CPN2: variants seen among roughly 807,000 people sequenced by gnomAD.
The protein encoded by CPN2 is carboxypeptidase N 83 kDa chain.
For missense variants in CPN2, 620 were observed against 671.4 expected (o/e 0.92, Z 0.85); for synonymous variants, 336 against 318.4 (o/e 1.06, Z -0.59).
intron 1 of CPN2, among the ~76,000 whole-genome samples, chr3:194,345,390 G>A (rs6762789): frequency 0.3 from 45,121 of 152,150 alleles, 7,108 homozygotes; most frequent in African/African-American, 0.38. Context: ...GCAGTGGCAC[G>A]ATCATAGCTC....
At chr3:194,343,012 G>A (rs1217124498) in intron 1 of CPN2, among the ~76,000 whole-genome samples, 1 of 152,198 alleles carries the variant, frequency 6.6e-6, no homozygotes, top group African/African-American at 2.4e-5. Flanking sequence ...CTCCTAGACC[G>A]TAACTCTTCC....
chr3:194,346,543 C>T (rs962429608), intron 1 of CPN2, among the ~76,000 whole-genome samples: 2 of 152,212 alleles, frequency 1.3e-5, no homozygotes, highest in Non-Finnish European at 2.9e-5. Context: ...TCGGGAGTGG[C>T]TACGAGTCAG....
Position 194,342,286 on chromosome 3 carries a change from A to G in CPN2, c.417T>C (p.Gly139=), listed in dbSNP as rs769158963. The G allele has an allele frequency of 3.7e-6, 6 of 1,613,528 alleles. No homozygotes were observed. Among genetic ancestry groups the G allele is most frequent in the Non-Finnish European group, 1.7e-6 (2 of 1,179,886 alleles). The change falls in exon 2 of 2, where the codon GGT becomes GGC. Residue 139 remains glycine, a synonymous_variant. Coordinates refer to ENST00000323830, the MANE Select transcript of CPN2 (RefSeq NM_001080513.4). ...NFNMLEALPE[G]LFQHLAALES... ...CCAGGGCAGCCAGGTGCTGGAAAAGACCCTCGGGCAGAGCCTCCAGCATGT... is the reference window on the plus strand; with the variant it reads ...CCAGGGCAGCCAGGTGCTGGAAAAGGCCCTCGGGCAGAGCCTCCAGCATGT...
Position 194,341,518 on chromosome 3 carries a change from G to A in CPN2, c.1185C>T (p.Asn395=). 1 of 1,614,232 alleles carries A rather than the reference G, an allele frequency of 6.2e-7. No individual in the cohort carries two copies. The highest frequency in any genetic ancestry group is 8.5e-7 in the Non-Finnish European group (1 of 1,180,046). ...YNLFNLALHG[N]PWQCDCHLAY... ...CCAGGTGGCAGTCGCACTGCCAGGG[G>A]TTACCGTGCAGGGCCAGGTTGAACA... The change falls in exon 2 of 2, where the codon AAC becomes AAT. Residue 395 remains asparagine (N), a synonymous_variant. Transcript: ENST00000323830.
intron 1 of CPN2, among the ~76,000 whole-genome samples, chr3:194,350,097 C>G (rs1052610547): frequency 1.3e-5 from 2 of 152,072 alleles, no homozygotes; most frequent in Non-Finnish European, 1.5e-5. Flanking sequence ...CCACCGCGCT[C>G]GGCCCTTTCT....
chr3:194,341,209 C>T lies in CPN2; in HGVS notation c.1494G>A (p.Gln498=). The change falls in exon 2 of 2, where the codon CAG becomes CAA. Residue 498 remains glutamine (Q), a synonymous_variant. Coordinates refer to ENST00000323830, the MANE Select transcript of CPN2 (RefSeq NM_001080513.4). ...GTVVLACDQA[Q]CRWLNVQLSP... Reference sequence around the variant, plus strand: ...AGAGCTGGACGTTCAGCCAGCGACACTGGGCCTGGTCACAGGCGAGCACCA... The same window carrying T: ...AGAGCTGGACGTTCAGCCAGCGACATTGGGCCTGGTCACAGGCGAGCACCA... The T allele has an allele frequency of 6.2e-7, 1 of 1,613,608 alleles. No homozygotes were observed. The highest frequency in any genetic ancestry group is 1.7e-5 in the Admixed American group (1 of 60,024).
intron 1 of CPN2, among the ~76,000 whole-genome samples, chr3:194,343,570 C>A (rs892987096): frequency 8.5e-5 from 13 of 152,332 alleles, no homozygotes; most frequent in Middle Eastern, 3.4e-3. Flanking sequence ...GGGTGTGTGC[C>A]CTCCAGGCCG....
intron 1 of CPN2, among the ~76,000 whole-genome samples, chr3:194,343,672 G>A (rs1712947250): frequency 6.6e-6 from 1 of 152,200 alleles, no homozygotes; most frequent in Non-Finnish European, 1.5e-5. Flanking sequence ...TTCTAGCTAC[G>A]TGACCTTGGG....
chr3:194,344,576 T>C (rs1385689499), intron 1 of CPN2, among the ~76,000 whole-genome samples: 1 of 152,090 alleles, frequency 6.6e-6, no homozygotes, highest in African/African-American at 2.4e-5. Context: ...ACATCTGTAA[T>C]CCCAGCTACT....
intron 1 of CPN2, among the ~76,000 whole-genome samples, chr3:194,349,699 GACCCTCCCAATTTATACCC>G (rs1483560077): frequency 6.8e-6 from 1 of 147,794 alleles, no homozygotes; most frequent in Non-Finnish European, 1.5e-5. Flanking sequence ...GGCACTATGC[GACCCTCCCAATTTATACCC>G]ACCCTCCCAG....
At chr3:194,343,614 C>G (rs7641117) in intron 1 of CPN2, among the ~76,000 whole-genome samples, 111,043 of 152,178 alleles carry the variant, frequency 0.73, 41,404 homozygotes, top group African/African-American at 0.89. Context: ...TATTCACATG[C>G]CTTGCAGTGG....
chr3:194,349,129 G>C (rs1713161451), intron 1 of CPN2, among the ~76,000 whole-genome samples: 1 of 152,206 alleles, frequency 6.6e-6, no homozygotes, highest in Admixed American at 6.5e-5. Context: ...GGGAGGCTGA[G>C]GCGGGAGCAT....
Position 194,342,057 on chromosome 3 carries a change from GT to G in CPN2, c.645del (p.Lys215AsnfsTer29), listed in dbSNP as rs1712857980. 6.2e-7 allele frequency: 1 copy of G among 1,614,090 alleles called. No homozygotes were observed. Among genetic ancestry groups the G allele is most frequent in the Non-Finnish European group, 8.5e-7 (1 of 1,180,036 alleles). On this transcript the variant is annotated frameshift_variant, in exon 2 of 2. Coordinates refer to ENST00000323830, the MANE Select transcript of CPN2 (RefSeq NM_001080513.4). LOFTEE classifies it low-confidence loss of function (END_TRUNC). ...AGGAAGAGCTCCTGCAGGCTGCCCAGTTTGCCAAACACACCCTGGGGGAGAC... is the reference window on the plus strand; with the variant it reads ...AGGAAGAGCTCCTGCAGGCTGCCCAGTTGCCAAACACACCCTGGGGGAGAC... Reference protein sequence around the residue: ...LSGLPQGVFGKLGSLQELFLD... With the variant: ...LSGLPQGVFGXLGSLQELFLD...
Position 194,340,420 on chromosome 3 carries a change from T to C in CPN2, c.*645A>G, listed in dbSNP as rs1364020273. The stretch of plus-strand genomic sequence containing the variant: ...ACAGGGTCAAATAAAACCCATCTGA[T>C]GAGAATTTATGATTTGTAAGGCGCG... On this transcript the variant is annotated 3_prime_UTR_variant, in exon 2 of 2. Transcript: ENST00000323830. 1 of 152,308 alleles carries C rather than the reference T, an allele frequency of 6.6e-6. No individual in the cohort carries two copies. The highest frequency in any genetic ancestry group is 1.9e-4 in the East Asian group (1 of 5,186). The allele number at this position is 152,308 out of a possible 1,614,324, so 9.4% of individuals were successfully genotyped here. A position where few individuals can be genotyped will look rare whatever the true frequency, so the allele number is the denominator to read the frequency against.
rs757478492 is a variant in CPN2 at position 194,349,778 on chromosome 3, CTTTTTTTTTTTTTTTTTTTTTTTTTTTTT to C, written c.-4+1435_-4+1463del. 3.1e-5 allele frequency among the ~76,000 whole-genome samples: 2 copies of C among 65,538 alleles called. 1 individual carries two copies. The highest frequency in any genetic ancestry group is 1.4e-3 in the East Asian group (2 of 1,478). The allele number at this position is 65,538 out of a possible 152,430, so 43.0% of individuals were successfully genotyped here. On this transcript the variant is annotated intron_variant, in intron 1 of 1. Coordinates refer to ENST00000323830, the MANE Select transcript of CPN2 (RefSeq NM_001080513.4). ...ATGAAGCCTTCCTGACTACCCTCTTCTTTTTTTTTTTTTTTTTTTTTTTTTTTTTTTTTTTTTTTTGAGACAGAGTTTCA... is the reference window on the plus strand; with the variant it reads ...ATGAAGCCTTCCTGACTACCCTCTTCTTTTTTTTTTTGAGACAGAGTTTCA...
chr3:194,341,146 A>C lies in CPN2; in HGVS notation c.1557T>G (p.Ala519=). Residue 519 remains alanine (A), a synonymous_variant, in exon 2 of 2, where the codon GCT becomes GCG. Coordinates refer to ENST00000323830, the MANE Select transcript of CPN2 (RefSeq NM_001080513.4). ...TCGACCTCAGGTCCCACTCCTGACT[A>C]GCATTGTACTGCAGTCCCAGGGAGC... ...QQGSLGLQYN[A]SQEWDLRSSC... is the part of the protein sequence containing the mutation. 2 of 1,613,456 alleles carry C rather than the reference A, an allele frequency of 1.2e-6. No individual in the cohort carries two copies. The highest frequency in any genetic ancestry group is 1.7e-6 in the Non-Finnish European group (2 of 1,179,948).
Position 194,342,571 on chromosome 3 carries a change from T to TCCAGC in CPN2, c.131_132insGCTGG (p.Ile47TrpfsTer31). 1.9e-6 allele frequency: 3 copies of TCCAGC among 1,613,980 alleles called. No homozygotes were observed. Among genetic ancestry groups the TCCAGC allele is most frequent in the Non-Finnish European group, 1.7e-6 (2 of 1,180,004 alleles). ...TTTTCGTATATGGCGGGATGTCCAG[T>TCCAGC]GGGACGGTGGCAAGCTCCTCATCTG... is the stretch of plus-strand genomic sequence containing the variant. On this transcript the variant is annotated frameshift_variant, in exon 2 of 2. Transcript: ENST00000323830. LOFTEE classifies it low-confidence loss of function (END_TRUNC).
In CPN2 at chr3:194,348,441, G is replaced by A. The variant is rs147251150; in HGVS notation, c.-4+2801C>T. ...TAACAATAATCATCATAATACCTCAGTCCCGGCATGGTTAGGGCTATTGTG... is the reference window on the plus strand; with the variant it reads ...TAACAATAATCATCATAATACCTCAATCCCGGCATGGTTAGGGCTATTGTG... On this transcript the variant is annotated intron_variant, in intron 1 of 1. Coordinates refer to ENST00000323830, the MANE Select transcript of CPN2 (RefSeq NM_001080513.4). Among the ~76,000 whole-genome samples, 487 of 151,198 alleles carry A rather than the reference G, an allele frequency of 3.2e-3. 4 individuals are homozygous for A. The highest frequency in any genetic ancestry group is 0.011 in the African/African-American group (466 of 40,534).
chr3:194,343,778 T>G (rs1359456824), intron 1 of CPN2, among the ~76,000 whole-genome samples: 1 of 152,154 alleles, frequency 6.6e-6, no homozygotes, highest in Non-Finnish European at 1.5e-5. Flanking sequence ...AGGGATTAAG[T>G]GAGTATATAT....
Sources: gnomAD v4.1 joint callset for allele counts (sites outside exome capture counted in the v4.1 genomes callset) on GRCh38, gnomAD v4.1.1 for gene constraint, MANE v1.5 for transcripts, NCBI Gene and HGNC (gene_info 2026-07-23, HGNC 2026-07-21) for gene names.